LIG1: variants seen among roughly 807,000 people sequenced by gnomAD.
The protein encoded by LIG1 is DNA ligase 1, also known as ligase I, DNA, ATP-dependent.
Under a neutral mutation model 115.7 loss-of-function variants are expected in LIG1, and 70 were observed. That is an observed-to-expected ratio of 0.60 (90% CI 0.50 to 0.74). LIG1 has a LOEUF of 0.74. Among genes scored for constraint, LIG1 ranks in the 30% least tolerant of loss-of-function variants. The pLI is 0.00. For missense variants in LIG1, 1,115 were observed against 1,225.6 expected (o/e 0.91, Z 1.35); for synonymous variants, 487 against 495.3 (o/e 0.98, Z 0.22).
chr19:48,143,426 A>C, intron 11 of LIG1, 117 bp downstream of exon 11: 1 of 937,226 alleles, frequency 1.1e-6, no homozygotes, highest in East Asian at 2.4e-5. Context: ...CATACGCCCG[A>C]GCGGGGTCAG....
Position 48,119,253 on chromosome 19 carries a change from C to T in LIG1, c.2386-63G>A. The T allele has an allele frequency of 6.6e-6, 9 of 1,358,576 alleles. No homozygotes were observed. The South Asian group carries it at 1.0e-4, about 15-fold the overall frequency. 84.2% of individuals were successfully genotyped at this position (1,358,576 alleles called of 1,614,324 possible). On this transcript the variant is annotated intron_variant, in intron 24 of 27. Transcript: ENST00000263274. ...CCACAGGCCCAGCACTTGCTCCTGC[C>T]ATCTAAAGCTGTGTACACTCATGGC...
rs2033385035 is a variant in LIG1, at chr19:48,122,823, G to C, written c.2232+111C>G. 1 of 980,458 alleles carries C rather than the reference G, an allele frequency of 1.0e-6. No individual in the cohort carries two copies. The highest frequency in any genetic ancestry group is 1.7e-6 in the Non-Finnish European group (1 of 602,532). The allele number at this position is 980,458 out of a possible 1,614,324, so 60.7% of individuals were successfully genotyped here. On this transcript the variant is annotated intron_variant, in intron 23 of 27. Coordinates refer to ENST00000263274, the MANE Select transcript of LIG1 (RefSeq NM_000234.3). The surrounding 1 kb of genome is among the most constrained non-coding windows in gnomAD (Gnocchi z 4.3). ...GGGGGCTGGGGTGGGATTGTGAAAA[G>C]GGGCCCTGAGCTCAGACAGGGTACA...
chr19:48,161,297 C>T (rs2036161291), intron 4 of LIG1, 75 bp downstream of exon 4: 1 of 1,588,796 alleles, frequency 6.3e-7, no homozygotes, highest in South Asian at 1.1e-5. Flanking sequence ...TCCTGAACAG[C>T]TGCTGCACTC....
chr19:48,170,047 T>G (rs73574169), intron 1 of LIG1, 194 bp downstream of exon 1: 49,884 of 357,756 alleles, frequency 0.14, 4,054 homozygotes, highest in African/African-American at 0.29. Flanking sequence ...CCCCCCTCCC[T>G]CTGGGAGACA....
intron 19 of LIG1, 25 bp downstream of exon 19, chr19:48,131,051 G>C (rs748708198): frequency 6.3e-7 from 1 of 1,590,838 alleles, no homozygotes; most frequent in African/African-American, 1.3e-5. Flanking sequence ...CCCTGGCAGA[G>C]TGCAAGTGTG....
chr19:48,139,728 C>G (rs938158915), intron 12 of LIG1, among the ~76,000 whole-genome samples: 1 of 152,148 alleles, frequency 6.6e-6, no homozygotes, highest in Non-Finnish European at 1.5e-5. Flanking sequence ...CAGCCCTCCC[C>G]TTCCCTGCAC....
At chr19:48,162,234 T>A (rs1192260095) in intron 3 of LIG1, 28 bp downstream of exon 3, 1 of 1,582,714 alleles carries the variant, frequency 6.3e-7, no homozygotes, top group East Asian at 2.2e-5. Flanking sequence ...AAGGAAAAAA[T>A]TCACCATATC....
At chr19:48,140,601 G>A (rs920967229) in intron 11 of LIG1, among the ~76,000 whole-genome samples, 1 of 152,128 alleles carries the variant, frequency 6.6e-6, no homozygotes, top group Non-Finnish European at 1.5e-5. Flanking sequence ...GGGTCACGCA[G>A]CCTCTGGCTT....
chr19:48,159,867 G>A (rs141648811), intron 4 of LIG1, among the ~76,000 whole-genome samples: 1,648 of 152,092 alleles, frequency 0.011, 31 homozygotes, highest in Middle Eastern at 0.061. Flanking sequence ...ACAGGCGCCC[G>A]CCACCACGCC....
At chr19:48,152,034 A>T (rs1244165542) in intron 6 of LIG1, among the ~76,000 whole-genome samples, 2 of 152,204 alleles carry the variant, frequency 1.3e-5, no homozygotes, top group African/African-American at 4.8e-5. Flanking sequence ...TAGTAGAAAG[A>T]GGCCACCCCC....
At chr19:48,157,172 C>T (rs750718413) in intron 4 of LIG1, 32 bp from the exon 5 acceptor site, 9 of 1,581,904 alleles carry the variant, frequency 5.7e-6, no homozygotes, top group South Asian at 2.3e-5. Flanking sequence ...CTAGAGTGAG[C>T]GGGGGAAGGA....
At chr19:48,119,992 T>C (rs1775528867) in intron 24 of LIG1, among the ~76,000 whole-genome samples, 1 of 152,246 alleles carries the variant, frequency 6.6e-6, no homozygotes, top group Non-Finnish European at 1.5e-5. Flanking sequence ...CCTTTTGCAT[T>C]GAGAGTCTTA....
At chr19:48,116,127 C>CG (rs1286878112) in intron 26 of LIG1, 162 bp from the exon 27 acceptor site, 3 of 658,144 alleles carry the variant, frequency 4.6e-6, no homozygotes, top group African/African-American at 3.6e-5. Flanking sequence ...GAACAGTACC[C>CG]GGGCACAGTA....
chr19:48,135,922 C>T, intron 15 of LIG1, 112 bp downstream of exon 15: 2 of 977,924 alleles, frequency 2.0e-6, no homozygotes, highest in Non-Finnish European at 3.1e-6. Context: ...AGAGAGGAGC[C>T]TGGTATGGCA....
chr19:48,135,807 G>A (rs1159361181), intron 15 of LIG1, 28 bp from the exon 16 acceptor site: 1 of 1,587,402 alleles, frequency 6.3e-7, no homozygotes, highest in Non-Finnish European at 8.7e-7. Context: ...AGAGGCTTTG[G>A]AAGGCACCCA....
At chr19:48,159,863 G>A (rs1260056268) in intron 4 of LIG1, among the ~76,000 whole-genome samples, 5 of 152,084 alleles carry the variant, frequency 3.3e-5, no homozygotes, top group East Asian at 1.9e-4. Context: ...GACTACAGGC[G>A]CCCGCCACCA....
At chr19:48,125,943 A>T (rs1050081335) in intron 21 of LIG1, among the ~76,000 whole-genome samples, 3 of 148,300 alleles carry the variant, frequency 2.0e-5, no homozygotes, top group African/African-American at 7.5e-5. Context: ...AGCTGAGATC[A>T]TGCCACTGCA....
intron 6 of LIG1, among the ~76,000 whole-genome samples, chr19:48,153,320 A>G (rs2035594045): frequency 6.6e-6 from 1 of 152,132 alleles, no homozygotes; most frequent in Non-Finnish European, 1.5e-5. Flanking sequence ...ATCATAAAAA[A>G]ATTACTAAGA....
At chr19:48,166,021 C>A (rs917383507) in intron 1 of LIG1, among the ~76,000 whole-genome samples, 21 of 152,184 alleles carry the variant, frequency 1.4e-4, no homozygotes, top group African/African-American at 5.1e-4. Flanking sequence ...TAAATTAGCT[C>A]TTGGGCAGTT....
Sources: gnomAD v4.1 joint callset for allele counts (sites outside exome capture counted in the v4.1 genomes callset) on GRCh38, gnomAD v4.1.1 for gene constraint, Gnocchi (gnomAD v3.1) non-coding constraint, MANE v1.5 for transcripts, NCBI Gene and HGNC (gene_info 2026-07-23, HGNC 2026-07-21) for gene names.